Variants in CWF19L2 observed in about 807,000 individuals in gnomAD.
The protein encoded by CWF19L2 is CWF19 like cell cycle control factor 2, also known as CWF19-like protein 2.
CWF19L2 carries 98 observed loss-of-function variants against 111.7 expected under a neutral mutation model. The observed-to-expected ratio is 0.88, with a 90% CI of 0.75 to 1.04. The LOEUF (loss-of-function observed/expected upper bound fraction) is 1.04, where lower values mean the gene tolerates loss of function less well. Ranked by LOEUF, CWF19L2 falls within the 50% of genes least tolerant of loss-of-function variation. The pLI is 0.00. For synonymous variants in CWF19L2, 351 were observed against 342.9 expected, an observed-to-expected ratio of 1.02 and a Z score of -0.26; for missense variants, 1,101 against 1,051.4, an observed-to-expected ratio of 1.05 and a Z score of -0.65.
In CWF19L2 at chr11:107,388,675, C is replaced by T. The variant is rs139388544; in HGVS notation, c.1872+1399G>A. On this transcript the variant is annotated intron_variant, in intron 12 of 17. Transcript: ENST00000282251. ...GATTACAGGGTTGAGCCACCACGCC[C>T]GGCACTATTACAATTTTTAAGAAGG... Among the ~76,000 whole-genome samples, 819 of 152,102 alleles carry T rather than the reference C, an allele frequency of 5.4e-3. 5 individuals are homozygous for T. The highest frequency in any genetic ancestry group is 0.018 in the African/African-American group (753 of 41,492).
chr11:107,414,960 T>C (rs910170140), intron 10 of CWF19L2, among the ~76,000 whole-genome samples: 1 of 152,220 alleles, frequency 6.6e-6, no homozygotes, highest in African/African-American at 2.4e-5. Flanking sequence ...AAACCGTTCT[T>C]AATAGAGAAT....
intron 14 of CWF19L2, among the ~76,000 whole-genome samples, chr11:107,341,877 T>C (rs892353784): frequency 2.0e-5 from 3 of 152,172 alleles, no homozygotes; most frequent in Non-Finnish European, 4.4e-5. Context: ...ATTCCCTTAT[T>C]ATCTTTTTGA....
intron 6 of CWF19L2, 37 bp from the exon 7 acceptor site, chr11:107,433,786 T>A (rs1861498714): frequency 1.0e-6 from 1 of 987,214 alleles, no homozygotes. Flanking sequence ...ATACTTTTAA[T>A]GTGGTTATCA....
At chr11:107,385,775 G>C (rs891164960) in intron 12 of CWF19L2, among the ~76,000 whole-genome samples, 6 of 152,218 alleles carry the variant, frequency 3.9e-5, no homozygotes, top group Non-Finnish European at 7.3e-5. Flanking sequence ...CAGGGGACAT[G>C]AATCAGCCCT....
chr11:107,394,463 T>C (rs1342831817), intron 10 of CWF19L2, among the ~76,000 whole-genome samples: 2 of 152,212 alleles, frequency 1.3e-5, no homozygotes, highest in South Asian at 2.1e-4. Context: ...TAAATTGTCA[T>C]CTTCCCTGAT....
intron 10 of CWF19L2, chr11:107,403,995 T>A: frequency 1.2e-6 from 1 of 812,848 alleles, no homozygotes; most frequent in Non-Finnish European, 2.2e-6. Context: ...GGCACCACAC[T>A]CTCACTAAGG....
In CWF19L2 at chr11:107,337,832, T is replaced by G. The variant is rs142976040; in HGVS notation, c.2203-1119A>C. Among the ~76,000 whole-genome samples, 465 of 152,330 alleles carry G rather than the reference T, an allele frequency of 3.1e-3. 5 individuals carry two copies. Among genetic ancestry groups the G allele is most frequent in the African/African-American group, 0.011 (448 of 41,578 alleles). On this transcript the variant is annotated intron_variant, in intron 14 of 17. Coordinates refer to ENST00000282251, the MANE Select transcript of CWF19L2 (RefSeq NM_152434.3). ...GATTTGTCAGCTTGATTTATAACTT[T>G]TTAATATTTTATTTAAACATTTTGT... is the stretch of plus-strand genomic sequence containing the variant.
At chr11:107,407,317 T>G (rs528582073) in intron 10 of CWF19L2, among the ~76,000 whole-genome samples, 1 of 152,240 alleles carries the variant, frequency 6.6e-6, no homozygotes, top group South Asian at 2.1e-4. Flanking sequence ...GGGTTTGTTT[T>G]TTTTCCACTT....
intron 1 of CWF19L2, among the ~76,000 whole-genome samples, chr11:107,457,114 C>T (rs1861866010): frequency 1.3e-5 from 2 of 152,190 alleles, no homozygotes; most frequent in South Asian, 2.1e-4. Flanking sequence ...TTACTTTCTC[C>T]ATTCTTTGTA....
In CWF19L2 at chr11:107,353,610, T is replaced by A. The variant is rs757896559; in HGVS notation, c.1999A>T (p.Ser667Cys). Residue 667 changes from serine (S) to cysteine (C), a missense_variant, in exon 13 of 18, where the codon AGT (serine) becomes TGT (cysteine). Ser to Cys is a moderately radical substitution (Grantham distance 112, BLOSUM62 -1). Coordinates refer to ENST00000282251, the MANE Select transcript of CWF19L2 (RefSeq NM_152434.3). ...CATTTTTCCATTTGTGCAGCAAGAC[T>A]CCGATGCTCAGCAATAGCTTTTTTC... ...QRKKAIAEHR[S>C]LAAQMEKCLY... 5.6e-6 allele frequency: 9 copies of A among 1,613,716 alleles called. No homozygotes were observed. The East Asian group carries it at 2.0e-4, about 36-fold the overall frequency.
At chr11:107,339,665 C>CTTT (rs34093897) in intron 14 of CWF19L2, among the ~76,000 whole-genome samples, 8 of 129,964 alleles carry the variant, frequency 6.2e-5, no homozygotes, top group Non-Finnish European at 1.1e-4. Flanking sequence ...TTGTTTATCC[C>CTTT]TTTTTTTTTT....
At chr11:107,350,216 AG>A (rs1157807039) in intron 13 of CWF19L2, among the ~76,000 whole-genome samples, 1 of 152,156 alleles carries the variant, frequency 6.6e-6, no homozygotes, top group African/African-American at 2.4e-5. Context: ...ATAATTACTG[AG>A]GGCCAATTAC....
At chr11:107,430,940 T>G (rs2135411217) in intron 7 of CWF19L2, among the ~76,000 whole-genome samples, 1 of 151,940 alleles carries the variant, frequency 6.6e-6, no homozygotes, top group East Asian at 1.9e-4. Context: ...ACTCTAGTAA[T>G]TATTTCCCCA....
chr11:107,359,028 C>T (rs76512559), intron 12 of CWF19L2, among the ~76,000 whole-genome samples: 1 of 151,862 alleles, frequency 6.6e-6, no homozygotes, highest in Non-Finnish European at 1.5e-5. Flanking sequence ...TTAGCTACTC[C>T]TATCATCGTC....
chr11:107,404,456 G>A (rs868228755), intron 10 of CWF19L2: 15 of 771,400 alleles, frequency 1.9e-5, no homozygotes, highest in Admixed American at 5.1e-5. Context: ...GTTGGCACCC[G>A]GGTTCCCTCC....
chr11:107,421,092 T>C (rs1281362020), intron 8 of CWF19L2, among the ~76,000 whole-genome samples: 1 of 152,132 alleles, frequency 6.6e-6, no homozygotes, highest in Non-Finnish European at 1.5e-5. Flanking sequence ...TTGTATAAAC[T>C]ATGTTCTTTT....
chr11:107,379,984 T>C (rs1430184143), intron 12 of CWF19L2, among the ~76,000 whole-genome samples: 1 of 136,068 alleles, frequency 7.3e-6, no homozygotes, highest in Non-Finnish European at 1.5e-5. Context: ...TGGCCTGAGC[T>C]TGCAGTGAGC....
intron 3 of CWF19L2, 72 bp from the exon 4 acceptor site, chr11:107,443,121 G>A: frequency 2.9e-6 from 3 of 1,026,876 alleles, no homozygotes; most frequent in Non-Finnish European, 4.4e-6. Flanking sequence ...GTGCTGTTAA[G>A]TGGTAGAAAT....
intron 3 of CWF19L2, among the ~76,000 whole-genome samples, chr11:107,443,636 C>A (rs1861663049): frequency 6.8e-6 from 1 of 146,174 alleles, no homozygotes; most frequent in Non-Finnish European, 1.5e-5. Context: ...AGAGACCTCA[C>A]TTCAGCACAG....
Sources: gnomAD v4.1 joint callset for allele counts (sites outside exome capture counted in the v4.1 genomes callset) on GRCh38, gnomAD v4.1.1 for gene constraint, MANE v1.5 for transcripts, NCBI Gene and HGNC (gene_info 2026-07-23, HGNC 2026-07-21) for gene names.